The following ZBTB20 variants were observed in gnomAD, a reference collection of about 807,000 sequenced individuals.
ZBTB20 encodes zinc finger and BTB domain containing 20, also known as zinc finger and BTB domain-containing protein 20.
In ZBTB20, 9 loss-of-function variants were observed where a neutral mutation model predicts 56.9. The observed-to-expected ratio is 0.16, with a 90% confidence interval of 0.10 to 0.28. ZBTB20 has a LOEUF of 0.28. ZBTB20 is among the 10% of genes least tolerant of loss of function. The pLI, the probability that ZBTB20 is intolerant of heterozygous loss-of-function variation, is 1.00. For missense variants in ZBTB20, 655 were observed against 1,003.0 expected (o/e 0.65, Z 4.69); for synonymous variants, 417 against 420.7 (o/e 0.99, Z 0.11).
chr3:114,551,942 G>A (rs2050633843), intron 6 of ZBTB20, among the ~76,000 whole-genome samples: 1 of 152,196 alleles, frequency 6.6e-6, no homozygotes, highest in Non-Finnish European at 1.5e-5. Flanking sequence ...TATAGTGGCG[G>A]CTCACATCTA....
chr3:114,878,313 C>G lies in ZBTB20; in HGVS notation c.-417+21991G>C, dbSNP rs140216028. Among the ~76,000 whole-genome samples, 3 of 152,234 alleles carry G rather than the reference C, an allele frequency of 2.0e-5. No individual in the cohort carries two copies. In the East Asian group the frequency reaches 5.8e-4, roughly 29 times the overall value. On this transcript the variant is annotated intron_variant, in intron 4 of 11. Coordinates refer to ENST00000675478, the MANE Select transcript of ZBTB20 (RefSeq NM_001348800.3). ...ACAGGGTAGAATATGGCATCATGCT[C>G]TCCAGTGAACAATGCATACACTTAC... is the stretch of plus-strand genomic sequence containing the variant.
chr3:114,516,701 G>A (rs2046038365), intron 6 of ZBTB20, among the ~76,000 whole-genome samples: 1 of 152,144 alleles, frequency 6.6e-6, no homozygotes, highest in Non-Finnish European at 1.5e-5. Flanking sequence ...ATAAAAAAGA[G>A]AAACTTAAAC....
intron 7 of ZBTB20, among the ~76,000 whole-genome samples, chr3:114,428,003 C>A (rs2089829619): frequency 1.3e-5 from 2 of 152,030 alleles, no homozygotes; most frequent in South Asian, 4.1e-4. Flanking sequence ...GGGGGCATGC[C>A]CAAAGGCATC....
chr3:114,990,771 C>T (rs2078768597), intron 2 of ZBTB20, among the ~76,000 whole-genome samples: 1 of 152,082 alleles, frequency 6.6e-6, no homozygotes, highest in Non-Finnish European at 1.5e-5. Context: ...TAATTATTGC[C>T]TCAATTTCAG....
chr3:114,362,196 TACA>T (rs1364064897), intron 10 of ZBTB20, among the ~76,000 whole-genome samples: 1 of 152,212 alleles, frequency 6.6e-6, no homozygotes, highest in Non-Finnish European at 1.5e-5. Flanking sequence ...GAACTTCCTA[TACA>T]TGTAGCACCT....
intron 6 of ZBTB20, among the ~76,000 whole-genome samples, chr3:114,535,458 G>A (rs2048349008): frequency 6.6e-6 from 1 of 152,146 alleles, no homozygotes; most frequent in Non-Finnish European, 1.5e-5. Context: ...TCAAATCCCT[G>A]AATAGACCAA....
chr3:114,788,169 T>C (rs2070693791), intron 5 of ZBTB20, among the ~76,000 whole-genome samples: 1 of 152,072 alleles, frequency 6.6e-6, no homozygotes, highest in Non-Finnish European at 1.5e-5. Flanking sequence ...TTTTAAAGAG[T>C]TTTCAAAGGT....
intron 7 of ZBTB20, among the ~76,000 whole-genome samples, chr3:114,390,656 C>T (rs1356927838): frequency 6.6e-6 from 1 of 152,244 alleles, no homozygotes; most frequent in Admixed American, 6.5e-5. Flanking sequence ...AGAGCATCCA[C>T]ATTGCTATCT....
intron 3 of ZBTB20, among the ~76,000 whole-genome samples, chr3:114,946,694 T>C (rs1329656567): frequency 2.1e-5 from 3 of 145,510 alleles, no homozygotes; most frequent in Non-Finnish European, 4.4e-5. Context: ...TAGTACTACG[T>C]CTTTTAAAAG....
intron 1 of ZBTB20, among the ~76,000 whole-genome samples, chr3:115,112,420 G>A (rs999788119): frequency 2.6e-5 from 4 of 151,750 alleles, no homozygotes; most frequent in African/African-American, 7.3e-5. Context: ...TTTGTCTGAC[G>A]TTTGTACCCA....
chr3:114,535,363 CT>C (rs1377058406), intron 6 of ZBTB20, among the ~76,000 whole-genome samples: 2 of 152,154 alleles, frequency 1.3e-5, no homozygotes, highest in Non-Finnish European at 2.9e-5. Context: ...CTATAAACAC[CT>C]CTATGCAAAT....
chr3:114,736,214 G>A (rs535634906), intron 5 of ZBTB20, among the ~76,000 whole-genome samples: 8 of 152,230 alleles, frequency 5.3e-5, no homozygotes, highest in Admixed American at 2.6e-4. Flanking sequence ...AGGTTCTATT[G>A]TCATGAATTT....
chr3:114,610,066 G>C (rs559459185), intron 6 of ZBTB20, among the ~76,000 whole-genome samples: 1 of 152,166 alleles, frequency 6.6e-6, no homozygotes, highest in Non-Finnish European at 1.5e-5. Flanking sequence ...AGCAGCAGCA[G>C]CAGCAGCAAA....
intron 5 of ZBTB20, among the ~76,000 whole-genome samples, chr3:114,748,352 T>TGTTTTCTCTCTCTC (rs374192570): frequency 1.2e-4 from 6 of 48,578 alleles, no homozygotes; most frequent in Admixed American, 7.9e-4. Flanking sequence ...TTTCTTTCTT[T>TGTTTTCTCTCTCTC]TCTCTCTCTC....
intron 4 of ZBTB20, among the ~76,000 whole-genome samples, chr3:114,864,460 T>C (rs2075675189): frequency 6.9e-6 from 1 of 145,504 alleles, no homozygotes; most frequent in African/African-American, 2.4e-5. Context: ...AAGTATTTTT[T>C]CCTTTTTATT....
chr3:114,682,648 TA>T (rs1190760014), intron 6 of ZBTB20, among the ~76,000 whole-genome samples: 5 of 152,216 alleles, frequency 3.3e-5, no homozygotes, highest in African/African-American at 1.2e-4. Flanking sequence ...TATCAATCAC[TA>T]ACACAAAAGT....
At chr3:115,064,067 T>C (rs2082114038) in intron 2 of ZBTB20, among the ~76,000 whole-genome samples, 2 of 152,208 alleles carry the variant, frequency 1.3e-5, no homozygotes, top group Non-Finnish European at 2.9e-5. Context: ...ATATAATATT[T>C]CACACTCTTA....
intron 2 of ZBTB20, among the ~76,000 whole-genome samples, chr3:114,997,209 G>C (rs1352986358): frequency 6.6e-6 from 1 of 151,806 alleles, no homozygotes; most frequent in Non-Finnish European, 1.5e-5. Context: ...ATTATGTGGA[G>C]AGATAATCAG....
chr3:114,836,041 G>T (rs2074105117), intron 4 of ZBTB20, among the ~76,000 whole-genome samples: 1 of 152,152 alleles, frequency 6.6e-6, no homozygotes, highest in Non-Finnish European at 1.5e-5. Context: ...TTACAGCAAA[G>T]CTGCTAAAAC....
Sources: allele counts gnomAD v4.1 joint callset (sites outside exome capture counted in the v4.1 genomes callset), GRCh38; gene constraint gnomAD v4.1.1; transcripts MANE v1.5; gene names NCBI Gene and HGNC (gene_info 2026-07-23, HGNC 2026-07-21).